The following SLC4A10 variants were observed in gnomAD, a reference collection of about 807,000 sequenced individuals.
The protein encoded by SLC4A10 is sodium-driven chloride bicarbonate exchanger.
In SLC4A10, 42 loss-of-function variants were observed where a neutral mutation model predicts 137.7. The ratio of observed to expected loss-of-function variants is 0.30; its 90% CI spans 0.24 to 0.39. The LOEUF is 0.39. SLC4A10 is among the 10% of genes least tolerant of loss of function. SLC4A10 has a pLI of 1.00. For synonymous variants in SLC4A10, 474 were observed against 464.1 expected (o/e 1.02, Z -0.27); for missense variants, 925 against 1,355.0 (o/e 0.68, Z 4.98).
At chr2:161,640,919 T>A (rs1284661803) in intron 1 of SLC4A10, among the ~76,000 whole-genome samples, 2 of 152,174 alleles carry the variant, frequency 1.3e-5, no homozygotes, top group African/African-American at 4.8e-5. Context: ...GTGAATTTCA[T>A]GGGTAACAAG....
intron 1 of SLC4A10, among the ~76,000 whole-genome samples, chr2:161,650,567 G>T (rs10191294): frequency 0.91 from 137,610 of 151,950 alleles, 62,423 homozygotes; most frequent in East Asian, 1. Context: ...TGGGCATCCC[G>T]GCACTCTCGG....
At chr2:161,733,465 C>T (rs1232864004) in intron 1 of SLC4A10, among the ~76,000 whole-genome samples, 6 of 152,178 alleles carry the variant, frequency 3.9e-5, no homozygotes, top group Admixed American at 3.9e-4. Flanking sequence ...GGAACCTCTG[C>T]CTAGATTTCA....
At chr2:161,725,541 A>G (rs1274640317) in intron 1 of SLC4A10, among the ~76,000 whole-genome samples, 1 of 152,218 alleles carries the variant, frequency 6.6e-6, no homozygotes, top group Non-Finnish European at 1.5e-5. Flanking sequence ...GATAACAGTC[A>G]GAAAACCAAA....
chr2:161,978,574 C>T (rs1575981796), intron 26 of SLC4A10, among the ~76,000 whole-genome samples: 1 of 152,128 alleles, frequency 6.6e-6, no homozygotes, highest in East Asian at 1.9e-4. Context: ...TCTCTTATTG[C>T]TGGTTTTTGT....
intron 21 of SLC4A10, 105 bp from the exon 22 acceptor site, chr2:161,964,030 G>A: frequency 1.2e-6 from 1 of 840,632 alleles, no homozygotes; most frequent in South Asian, 1.9e-5. Context: ...GTGTTATCCA[G>A]GTATGTCATT....
chr2:161,894,703 G>T lies in SLC4A10; in HGVS notation c.1219G>T (p.Ala407Ser). The change falls in exon 11 of 27, where the codon GCT (alanine) becomes TCT (serine). Residue 407 changes from alanine (A) to serine (S), a missense_variant. By Grantham distance (99) the Ala-to-Ser change is moderately conservative. This residue lies in a region of SLC4A10 where 277 missense variants were observed against 306.1 expected (regional missense o/e 0.90). Transcript: ENST00000446997. ...GGTATTTCATGATGTTGCCTATAAA[G>T]CTAAAGATCGTAATGACTTGGTATC... ...DEVFHDVAYK[A>S]KDRNDLVSGI... 3 of 1,432,000 alleles carry T rather than the reference G, an allele frequency of 2.1e-6. No individual in the cohort carries two copies. Among genetic ancestry groups the T allele is most frequent in the East Asian group, 2.7e-5 (1 of 37,298 alleles). The allele number at this position is 1,432,000 out of a possible 1,614,324, so 88.7% of individuals were successfully genotyped here. A position where few individuals can be genotyped will look rare whatever the true frequency, so the allele number is the denominator to read the frequency against.
At chr2:161,881,656 T>C (rs2061790523) in intron 9 of SLC4A10, among the ~76,000 whole-genome samples, 1 of 152,054 alleles carries the variant, frequency 6.6e-6, no homozygotes, top group South Asian at 2.1e-4. Context: ...AGGATTGACC[T>C]TCTCAGAGAC....
chr2:161,832,758 T>A (rs1351119576), intron 3 of SLC4A10, among the ~76,000 whole-genome samples: 2 of 151,294 alleles, frequency 1.3e-5, no homozygotes, highest in African/African-American at 4.9e-5. Flanking sequence ...GTTTTGTTTT[T>A]CAGACAGAGT....
At chr2:161,656,673 C>T (rs926200639) in intron 1 of SLC4A10, among the ~76,000 whole-genome samples, 23 of 152,196 alleles carry the variant, frequency 1.5e-4, no homozygotes, top group African/African-American at 5.5e-4. Flanking sequence ...ATTAATGTTT[C>T]GTGCCTGAGT....
In SLC4A10 at chr2:161,937,191, T is replaced by TA. The variant is rs1013558352; in HGVS notation, c.1998-5593dup. On this transcript the variant is annotated intron_variant, in intron 15 of 26. Transcript: ENST00000446997. ...GATTTCTAGTCGCATACCATTGTGTTAAAAAAAAGATACTCAATATGGTTT... is the reference window on the plus strand; with the variant it reads ...GATTTCTAGTCGCATACCATTGTGTTAAAAAAAAAGATACTCAATATGGTTT... 1.1e-4 allele frequency among the ~76,000 whole-genome samples: 17 copies of TA among 152,148 alleles called. 1 individual carries two copies. The highest frequency in any genetic ancestry group is 4.2e-4 in the South Asian group (2 of 4,814).
At chr2:161,721,541 C>T (rs116425616) in intron 1 of SLC4A10, among the ~76,000 whole-genome samples, 95 of 152,278 alleles carry the variant, frequency 6.2e-4, no homozygotes, top group African/African-American at 2.2e-3. Flanking sequence ...ATAGGGTTTC[C>T]ACTGAGATGT....
chr2:161,962,695 A>C (rs780280298), intron 21 of SLC4A10, among the ~76,000 whole-genome samples: 2 of 152,210 alleles, frequency 1.3e-5, no homozygotes, highest in Non-Finnish European at 2.9e-5. Flanking sequence ...CAGGGAATGA[A>C]CTAATATATG....
intron 3 of SLC4A10, among the ~76,000 whole-genome samples, chr2:161,834,014 A>C (rs2058602744): frequency 6.6e-6 from 1 of 152,240 alleles, no homozygotes; most frequent in Admixed American, 6.5e-5. Context: ...ATATAAACTT[A>C]TATTGAAAAA....
intron 1 of SLC4A10, among the ~76,000 whole-genome samples, chr2:161,752,370 C>G (rs1012179502): frequency 1.3e-5 from 2 of 151,880 alleles, no homozygotes; most frequent in Non-Finnish European, 2.9e-5. Flanking sequence ...ATTTAAAAAG[C>G]CTTGCCATAT....
chr2:161,977,590 T>C, intron 25 of SLC4A10, 132 bp from the exon 26 acceptor site: 1 of 691,394 alleles, frequency 1.4e-6, no homozygotes, highest in Non-Finnish European at 2.4e-6. Context: ...TATGTTATGC[T>C]AATATCTCTT....
intron 1 of SLC4A10, among the ~76,000 whole-genome samples, chr2:161,699,830 A>T (rs895438800): frequency 6.6e-6 from 1 of 152,198 alleles, no homozygotes; most frequent in Non-Finnish European, 1.5e-5. Context: ...TCTAACAACA[A>T]CAAGAAGAAC....
Position 161,839,671 on chromosome 2 carries a change from AGGTGTGAGCTTGGGGT to A in SLC4A10, c.278-113_278-98del, listed in dbSNP as rs1250021753. 3.9e-6 allele frequency: 4 copies of A among 1,030,218 alleles called. No individual in the cohort carries two copies. In the African/African-American group the frequency reaches 4.8e-5, roughly 12 times the overall value. 63.8% of individuals were successfully genotyped at this position (1,030,218 alleles called of 1,614,324 possible). A position where few individuals can be genotyped will look rare whatever the true frequency, so the allele number is the denominator to read the frequency against. The stretch of plus-strand genomic sequence containing the variant: ...TGAGTGTTGCAGTGGGGAGCAGGGG[AGGTGTGAGCTTGGGGT>A]GGTGCGAGCTTGGGGTGGTGCTGAA... On this transcript the variant is annotated intron_variant, in intron 3 of 26. Coordinates refer to ENST00000446997, the MANE Select transcript of SLC4A10 (RefSeq NM_001178015.2).
chr2:161,750,937 T>C (rs1320331232), intron 1 of SLC4A10, among the ~76,000 whole-genome samples: 1 of 151,814 alleles, frequency 6.6e-6, no homozygotes, highest in Non-Finnish European at 1.5e-5. Flanking sequence ...TATTTTCTTG[T>C]GTATTGACCT....
At chr2:161,633,998 A>G (rs1000172645) in intron 1 of SLC4A10, among the ~76,000 whole-genome samples, 8 of 151,878 alleles carry the variant, frequency 5.3e-5, no homozygotes, top group Non-Finnish European at 1.0e-4. Flanking sequence ...TCTAAAAACT[A>G]GAAAGTTAAC....
Sources: gnomAD v4.1 joint callset for allele counts (sites outside exome capture counted in the v4.1 genomes callset) on GRCh38, gnomAD v4.1.1 for gene constraint, gnomAD v4.1.1 regional missense constraint, MANE v1.5 for transcripts, NCBI Gene and HGNC (gene_info 2026-07-23, HGNC 2026-07-21) for gene names.